The following ANKRD16 variants were observed in gnomAD, a reference collection of about 807,000 sequenced individuals.
ANKRD16 encodes ankyrin repeat domain-containing protein 16.
In ANKRD16, 35 loss-of-function variants were observed where a neutral mutation model predicts 37.9. The ratio of observed to expected loss-of-function variants is 0.92; its 90% CI spans 0.71 to 1.23. The LOEUF is 1.23. Ranked by LOEUF, ANKRD16 falls within the 50% of genes most tolerant of loss-of-function variation. The pLI is 0.00. For missense variants in ANKRD16, 480 were observed against 469.9 expected, an observed-to-expected ratio of 1.02 and a Z score of -0.20; for synonymous variants, 206 against 197.2, an observed-to-expected ratio of 1.04 and a Z score of -0.37.
Position 5,883,037 on chromosome 10 carries a change from G to A in ANKRD16, c.818C>T (p.Thr273Ile). Residue 273 changes from threonine to isoleucine, a missense_variant, in exon 5 of 8, where the codon ACC becomes ATC. Thr to Ile is a moderately conservative substitution (Grantham distance 89). Transcript: ENST00000380094. ...GVDVDVRATS[T>I]HLTALHYAAK... ...TGCATAATGAAGTGCTGTGAGGTGG[G>A]TTGATGTGGCTCTCACATCTACATC... is the stretch of plus-strand genomic sequence containing the variant. 6.2e-7 allele frequency: 1 copy of A among 1,613,968 alleles called. No individual in the cohort carries two copies. Among genetic ancestry groups the A allele is most frequent in the Non-Finnish European group, 8.5e-7 (1 of 1,180,032 alleles).
intron 1 of ANKRD16, among the ~76,000 whole-genome samples, chr10:5,888,516 T>C (rs1842494610): frequency 6.6e-6 from 1 of 152,162 alleles, no homozygotes; most frequent in South Asian, 2.1e-4. Flanking sequence ...ACAAACGAAA[T>C]GCAATTGGCT....
chr10:5,881,496 C>T (rs1477784779), intron 5 of ANKRD16, among the ~76,000 whole-genome samples: 102 of 114,368 alleles, frequency 8.9e-4, no homozygotes, highest in African/African-American at 2.7e-3. Context: ...GATGTAGTCT[C>T]ACTCTGTTGC....
chr10:5,872,490 TAAAC>T (rs1215518681), intron 7 of ANKRD16, among the ~76,000 whole-genome samples: 2 of 151,974 alleles, frequency 1.3e-5, no homozygotes, highest in Admixed American at 6.6e-5. Flanking sequence ...AATAAATAAA[TAAAC>T]AAAGTTAAGG....
rs751723051 is a variant in ANKRD16 at position 5,870,632 on chromosome 10, C to T, written c.*33+7465G>A. ...CCAGGCTGGTCTCAAGCCATCTGCCCGCCTTGGCCTCCCAAAGTGTTGGGA... is the reference window on the plus strand; with the variant it reads ...CCAGGCTGGTCTCAAGCCATCTGCCTGCCTTGGCCTCCCAAAGTGTTGGGA... On this transcript the variant is annotated intron_variant, in intron 7 of 7. Coordinates refer to ENST00000380094, the MANE Select transcript of ANKRD16 (RefSeq NM_019046.3). The surrounding 1 kb of genome is among the most constrained non-coding windows in gnomAD (Gnocchi z 5.0). 9.6e-4 allele frequency among the ~76,000 whole-genome samples: 146 copies of T among 152,082 alleles called. 1 individual carries two copies. The highest frequency in any genetic ancestry group is 2.2e-4 in the Non-Finnish European group (15 of 68,014).
intron 6 of ANKRD16, 123 bp downstream of exon 6, chr10:5,880,175 T>TAAA (rs56264154): frequency 3.6e-5 from 4 of 112,612 alleles, no homozygotes; most frequent in African/African-American, 2.0e-4. Context: ...CCACCACCAC[T>TAAA]AAAAAAAAAA....
chr10:5,861,951 G>C lies in ANKRD16; in HGVS notation c.*774C>G, dbSNP rs964305049. ...GAGTCTTGCTCTGTTGCCCAGGCTG[G>C]AGTGCAGTGGCGCATATTCGGCTCA... On this transcript the variant is annotated 3_prime_UTR_variant, in exon 8 of 8. Coordinates refer to ENST00000380094, the MANE Select transcript of ANKRD16 (RefSeq NM_019046.3). The C allele has an allele frequency of 1.3e-5, 2 of 148,886 alleles. No homozygotes were observed. Among genetic ancestry groups the C allele is most frequent in the African/African-American group, 2.5e-5 (1 of 39,432 alleles). 9.2% of individuals were successfully genotyped at this position (148,886 alleles called of 1,614,324 possible). A position where few individuals can be genotyped will look rare whatever the true frequency, so the allele number is the denominator to read the frequency against.
In ANKRD16 at chr10:5,881,155, T is replaced by C. The variant is rs955155673; in HGVS notation, c.850-779A>G. The C allele has an allele frequency of 5.0e-6, 4 of 796,900 alleles. No homozygotes were observed. In the African/African-American group the frequency reaches 7.5e-5, roughly 15 times the overall value. The allele number at this position is 796,900 out of a possible 1,614,324, so 49.4% of individuals were successfully genotyped here. On this transcript the variant is annotated intron_variant, in intron 5 of 7. Coordinates refer to ENST00000380094, the MANE Select transcript of ANKRD16 (RefSeq NM_019046.3). ...CATTCTCAATTCTAATATAAATCAT[T>C]AAATAAATATTTTGGTGACATTTAA...
chr10:5,878,324 A>G lies in ANKRD16; in HGVS notation c.929-37T>C, dbSNP rs768161751. On this transcript the variant is annotated intron_variant, in intron 6 of 7. Transcript: ENST00000380094. This position sits in a 1 kb window ranked among gnomAD's most constrained non-coding sequence, Gnocchi z 5.1. Reference sequence around the variant, plus strand: ...CAAAAATCACATGGACTTAAAACACAATCCCTGGAGCAATACTGACCTCAT... The same window carrying G: ...CAAAAATCACATGGACTTAAAACACGATCCCTGGAGCAATACTGACCTCAT... 1 of 1,593,976 alleles carries G rather than the reference A, an allele frequency of 6.3e-7. No homozygotes were observed. The highest frequency in any genetic ancestry group is 8.6e-7 in the Non-Finnish European group (1 of 1,168,514).
chr10:5,878,175 C>A lies in ANKRD16; in HGVS notation c.1041G>T (p.Arg347Ser). Residue 347 changes from arginine (R) to serine (S), a missense_variant, in exon 7 of 8, where the codon AGG becomes AGT. By Grantham distance (110) the Arg-to-Ser change is moderately radical (BLOSUM62 -1). Coordinates refer to ENST00000380094, the MANE Select transcript of ANKRD16 (RefSeq NM_019046.3). The surrounding 1 kb of genome is among the most constrained non-coding windows in gnomAD (Gnocchi z 5.1). Reference protein sequence around the residue: ...ITGTLAQQLPRRADVLQGSGH... With the variant: ...ITGTLAQQLPSRADVLQGSGH... ...CAGAGCCCTGAAGGACATCTGCTCT[C>A]CTTGGGAGCTGCTGAGCCAGGGTGC... The A allele has an allele frequency of 6.2e-7, 1 of 1,614,208 alleles. No homozygotes were observed. Among genetic ancestry groups the A allele is most frequent in the Non-Finnish European group, 8.5e-7 (1 of 1,180,038 alleles).
At chr10:5,886,735 C>T (rs895625357) in intron 2 of ANKRD16, among the ~76,000 whole-genome samples, 1 of 152,224 alleles carries the variant, frequency 6.6e-6, no homozygotes, top group African/African-American at 2.4e-5. Context: ...GACTCTTGAG[C>T]TCCTTAATAT....
intron 1 of ANKRD16, among the ~76,000 whole-genome samples, chr10:5,888,740 A>G (rs1358418808): frequency 1.3e-5 from 2 of 152,264 alleles, no homozygotes; most frequent in Non-Finnish European, 2.9e-5. Flanking sequence ...CTATCTGTAT[A>G]GTGCACACAC....
intron 7 of ANKRD16, among the ~76,000 whole-genome samples, chr10:5,873,965 A>T (rs1195344220): frequency 6.7e-6 from 1 of 148,938 alleles, no homozygotes; most frequent in Non-Finnish European, 1.5e-5. Flanking sequence ...ATCTTGGTTC[A>T]CTGCAACCTC....
chr10:5,886,683 T>G (rs533776859), intron 2 of ANKRD16, among the ~76,000 whole-genome samples: 1 of 152,334 alleles, frequency 6.6e-6, no homozygotes, highest in Non-Finnish European at 1.5e-5. Context: ...ATCAATGTAC[T>G]ACCTAGAAAG....
chr10:5,887,632 C>T (rs1324355605), intron 2 of ANKRD16, among the ~76,000 whole-genome samples: 2 of 152,242 alleles, frequency 1.3e-5, no homozygotes, highest in Non-Finnish European at 2.9e-5. Flanking sequence ...GATCCACCCG[C>T]CTCCGGCCTC....
chr10:5,888,943 G>T, intron 1 of ANKRD16, 98 bp downstream of exon 1: 1 of 1,300,580 alleles, frequency 7.7e-7, no homozygotes, highest in Non-Finnish European at 1.0e-6. Context: ...TAGGAGCTGA[G>T]AACAGCTACG....
Position 5,870,532 on chromosome 10 carries a change from T to G in ANKRD16, c.*33+7565A>C, listed in dbSNP as rs1040044820. On this transcript the variant is annotated intron_variant, in intron 7 of 7. Coordinates refer to ENST00000380094, the MANE Select transcript of ANKRD16 (RefSeq NM_019046.3). The surrounding 1 kb of genome is among the most constrained non-coding windows in gnomAD (Gnocchi z 5.0). Reference sequence around the variant, plus strand: ...AATTCTCCCACCTCAGCTTCCTTGGTAGCTGGGACTACAGGCACACCACGC... The same window carrying G: ...AATTCTCCCACCTCAGCTTCCTTGGGAGCTGGGACTACAGGCACACCACGC... Among the ~76,000 whole-genome samples the G allele has an allele frequency of 6.6e-6, 1 of 152,052 alleles. No homozygotes were observed. Among genetic ancestry groups the G allele is most frequent in the Non-Finnish European group, 1.5e-5 (1 of 68,004 alleles).
Position 5,887,895 on chromosome 10 carries a change from C to G in ANKRD16, c.487G>C (p.Ala163Pro). 3 of 1,614,212 alleles carry G rather than the reference C, an allele frequency of 1.9e-6. No homozygotes were observed. Among genetic ancestry groups the G allele is most frequent in the Non-Finnish European group, 2.5e-6 (3 of 1,180,024 alleles). Residue 163 changes from alanine (A) to proline (P), a missense_variant, in exon 2 of 8, where the codon GCC becomes CCC. Physicochemically the swap from Ala to Pro is conservative, Grantham distance 27 (BLOSUM62 -1). Transcript: ENST00000380094. ...LQYLLTVCPG[A>P]WKTESKIRRT... ...CTAATTTTGCTCTCTGTCTTCCAGGCACCTGGGCAAACAGTGAGCAGGTAC... is the reference window on the plus strand; with the variant it reads ...CTAATTTTGCTCTCTGTCTTCCAGGGACCTGGGCAAACAGTGAGCAGGTAC...
Position 5,878,101 on chromosome 10 carries a change from C to T in ANKRD16, c.*29G>A, listed in dbSNP as rs1411914086. 6.2e-7 allele frequency: 1 copy of T among 1,602,798 alleles called. No individual in the cohort carries two copies. Among genetic ancestry groups the T allele is most frequent in the Non-Finnish European group, 8.5e-7 (1 of 1,174,124 alleles). On this transcript the variant is annotated 3_prime_UTR_variant, in exon 7 of 8. Transcript: ENST00000380094. The surrounding 1 kb of genome is among the most constrained non-coding windows in gnomAD (Gnocchi z 5.1). ...AAGAAGCAGGATATGAATTACCATG[C>T]ACTTTATTGCCTCCTCTTGGAAACA...
rs770730254 is a variant in ANKRD16, at chr10:5,883,180, GGAGA to G, written c.688-17_688-14del. 1 of 1,611,222 alleles carries G rather than the reference GGAGA, an allele frequency of 6.2e-7. No individual in the cohort carries two copies. Among genetic ancestry groups the G allele is most frequent in the South Asian group, 1.1e-5 (1 of 90,826 alleles). On this transcript the variant is annotated splice_polypyrimidine_tract_variant and intron_variant, in intron 4 of 7. Coordinates refer to ENST00000380094, the MANE Select transcript of ANKRD16 (RefSeq NM_019046.3). Reference sequence around the variant, plus strand: ...CTGAAAGGCAAGCCTAGTGGGCAGAGGAGAGAAAGGAGCAAAGGTCAAAGATAAG... The same window carrying G: ...CTGAAAGGCAAGCCTAGTGGGCAGAGGAAAGGAGCAAAGGTCAAAGATAAG...
Sources: allele counts gnomAD v4.1 joint callset (sites outside exome capture counted in the v4.1 genomes callset), GRCh38; gene constraint gnomAD v4.1.1; non-coding constraint Gnocchi (gnomAD v3.1); transcripts MANE v1.5; gene names NCBI Gene and HGNC (gene_info 2026-07-23, HGNC 2026-07-21).